The following CCDC171 variants were observed in gnomAD, a reference collection of about 807,000 sequenced individuals.
The protein encoded by CCDC171 is coiled-coil domain-containing protein 171.
A neutral mutation model predicts 168.2 loss-of-function variants in CCDC171; 177 were observed. The ratio of observed to expected loss-of-function variants is 1.05; its 90% CI spans 0.93 to 1.19. CCDC171 has a LOEUF of 1.19. Ranked by LOEUF, CCDC171 falls within the 50% of genes most tolerant of loss-of-function variation. The pLI is 0.00. For missense variants in CCDC171, 1,991 were observed against 1,539.0 expected (o/e 1.29, Z -4.91); for synonymous variants, 687 against 540.8 (o/e 1.27, Z -3.75).
intron 6 of CCDC171, among the ~76,000 whole-genome samples, chr9:15,598,807 G>A: frequency 6.6e-6 from 1 of 152,078 alleles, no homozygotes; most frequent in Non-Finnish European, 1.5e-5. Context: ...GGTCTCTAAG[G>A]ACTTCCTTTA....
At chr9:15,892,645 G>A (rs1820376147) in intron 24 of CCDC171, among the ~76,000 whole-genome samples, 1 of 151,954 alleles carries the variant, frequency 6.6e-6, no homozygotes, top group Non-Finnish European at 1.5e-5. Flanking sequence ...CAACAGGCAA[G>A]CCGAAAGTCA....
intron 25 of CCDC171, among the ~76,000 whole-genome samples, chr9:15,949,391 G>C (rs527865459): frequency 4.6e-5 from 7 of 152,236 alleles, no homozygotes; most frequent in African/African-American, 1.7e-4. Flanking sequence ...GTATGGCATT[G>C]AATCTCTAAA....
intron 21 of CCDC171, among the ~76,000 whole-genome samples, chr9:15,837,890 A>T (rs1415902194): frequency 6.6e-6 from 1 of 152,198 alleles, no homozygotes; most frequent in Admixed American, 6.5e-5. Context: ...TGCCAGTGGT[A>T]ACTTTGTTCT....
intron 1 of CCDC171, among the ~76,000 whole-genome samples, chr9:16,045,859 C>T (rs1352000644): frequency 6.6e-6 from 1 of 152,212 alleles, no homozygotes; most frequent in Non-Finnish European, 1.5e-5. Context: ...ATAAAATCCT[C>T]TCTAAGAAAA....
intron 24 of CCDC171, among the ~76,000 whole-genome samples, chr9:15,893,998 TCA>T (rs1219886514): frequency 6.6e-6 from 1 of 152,288 alleles, no homozygotes; most frequent in East Asian, 1.9e-4. Context: ...GTAGCACTGT[TCA>T]CAATAGTGAA....
chr9:15,852,242 TGTTA>T (rs1385720299), intron 23 of CCDC171, among the ~76,000 whole-genome samples: 1 of 151,802 alleles, frequency 6.6e-6, no homozygotes, highest in Non-Finnish European at 1.5e-5. Context: ...TGCTCACACT[TGTTA>T]GTTTCAATTT....
At chr9:15,795,298 AT>A (rs1478881098) in intron 21 of CCDC171, among the ~76,000 whole-genome samples, 1 of 152,300 alleles carries the variant, frequency 6.6e-6, no homozygotes, top group Middle Eastern at 3.4e-3. Context: ...TGATAACTTT[AT>A]TAATTCATTT....
chr9:16,042,051 T>C (rs186133508), upstream of CCDC171, among the ~76,000 whole-genome samples: 4 of 152,344 alleles, frequency 2.6e-5, no homozygotes, highest in East Asian at 7.7e-4. Context: ...TTATTGTGCA[T>C]ATTATAACTG....
chr9:15,593,659 G>C (rs1365807891), intron 5 of CCDC171, among the ~76,000 whole-genome samples: 3 of 151,726 alleles, frequency 2.0e-5, no homozygotes, highest in Admixed American at 6.6e-5. Context: ...AATCTACTTT[G>C]TTTATATCTA....
chr9:15,715,742 A>C (rs1199829617), intron 11 of CCDC171, among the ~76,000 whole-genome samples: 2 of 152,218 alleles, frequency 1.3e-5, no homozygotes, highest in African/African-American at 2.4e-5. Context: ...GATGGAGAAG[A>C]TAGACTCCAT....
At chr9:15,800,775 G>A (rs185941149) in intron 21 of CCDC171, among the ~76,000 whole-genome samples, 1 of 152,114 alleles carries the variant, frequency 6.6e-6, no homozygotes, top group Admixed American at 6.6e-5. Flanking sequence ...AATCCATTGT[G>A]GTTTTATGTT....
At chr9:15,709,537 T>C (rs997399267) in intron 11 of CCDC171, among the ~76,000 whole-genome samples, 1 of 152,106 alleles carries the variant, frequency 6.6e-6, no homozygotes, top group African/African-American at 2.4e-5. Flanking sequence ...ATGAAACAAA[T>C]GTAATAATTG....
chr9:15,996,362 G>A (rs1832373197), intron 3 of CCDC171, among the ~76,000 whole-genome samples: 1 of 151,742 alleles, frequency 6.6e-6, no homozygotes, highest in Admixed American at 6.6e-5. Context: ...CTTGCATGGG[G>A]GAATCTGGGC....
chr9:16,037,889 AG>A (rs1202797926), upstream of CCDC171, among the ~76,000 whole-genome samples: 31 of 152,254 alleles, frequency 2.0e-4, 1 homozygote, highest in African/African-American at 6.5e-4. Context: ...ATATTCAGAG[AG>A]AAAAAAGACT....
chr9:16,000,343 G>C (rs372604422), intron 3 of CCDC171, among the ~76,000 whole-genome samples: 1 of 152,004 alleles, frequency 6.6e-6, no homozygotes, highest in East Asian at 1.9e-4. Flanking sequence ...GCTGTTTTTT[G>C]TTACCTCTCC....
At chr9:16,027,552 C>T (rs1029717650) in intron 6 of CCDC171, among the ~76,000 whole-genome samples, 2 of 152,216 alleles carry the variant, frequency 1.3e-5, no homozygotes, top group Admixed American at 6.5e-5. Flanking sequence ...AAATGTTTAA[C>T]ATACAATCAA....
At chr9:15,901,448 C>T (rs146830434) in intron 24 of CCDC171, among the ~76,000 whole-genome samples, 1 of 152,120 alleles carries the variant, frequency 6.6e-6, no homozygotes, top group Non-Finnish European at 1.5e-5. Flanking sequence ...AGGGGCAGAG[C>T]ATGTATGGGA....
chr9:15,774,590 C>G (rs1375352843), intron 18 of CCDC171, among the ~76,000 whole-genome samples: 1 of 152,192 alleles, frequency 6.6e-6, no homozygotes, highest in Non-Finnish European at 1.5e-5. Flanking sequence ...TTTGATCCAG[C>G]AGTCTCACTA....
In CCDC171 at chr9:15,562,461, G is replaced by C. The variant is rs537390969; in HGVS notation, c.-111-1517G>C. On this transcript the variant is annotated intron_variant, in intron 1 of 25. Coordinates refer to ENST00000380701, the MANE Select transcript of CCDC171 (RefSeq NM_173550.4). ...TGAAACTTGCTTCTGAGCTATGGAA[G>C]ATGCTATCTCTCTAGAGGACCATTC... Among the ~76,000 whole-genome samples, 61 of 152,302 alleles carry C rather than the reference G, an allele frequency of 4.0e-4. 1 individual carries two copies. In the Middle Eastern group the frequency reaches 0.017, roughly 42 times the overall value.
Sources: gnomAD v4.1 joint callset for allele counts (sites outside exome capture counted in the v4.1 genomes callset) on GRCh38, gnomAD v4.1.1 for gene constraint, MANE v1.5 for transcripts, NCBI Gene and HGNC (gene_info 2026-07-23, HGNC 2026-07-21) for gene names.